PCDH15: variants seen among roughly 807,000 people sequenced by gnomAD.
PCDH15 encodes the protein protocadherin related 15, also known as protocadherin-15.
A neutral mutation model predicts 178.5 loss-of-function variants in PCDH15; 129 were observed. The observed-to-expected ratio is 0.72, with a 90% CI of 0.63 to 0.84. PCDH15 has a LOEUF of 0.84. Among genes scored for constraint, PCDH15 ranks in the 40% least tolerant of loss-of-function variants. The pLI, the probability that PCDH15 is intolerant of heterozygous loss-of-function variation, is 0.00. For synonymous variants in PCDH15, 800 were observed against 732.0 expected (o/e 1.09, Z -1.50); for missense variants, 2,230 against 2,099.9 (o/e 1.06, Z -1.21).
At chr10:54,361,094 G>A (rs1970518) in intron 5 of PCDH15, among the ~76,000 whole-genome samples, 17,475 of 152,020 alleles carry the variant, frequency 0.11, 1,798 homozygotes, top group African/African-American at 0.28. Context: ...GTTGTCCCTT[G>A]CCATAGCCAG....
At chr10:55,516,109 C>T (rs896068026) in intron 2 of PCDH15, among the ~76,000 whole-genome samples, 1 of 152,030 alleles carries the variant, frequency 6.6e-6, no homozygotes, top group Non-Finnish European at 1.5e-5. Context: ...TGTGTCCCCA[C>T]CCAACTCTCA....
chr10:54,615,430 G>A (rs999245585), intron 2 of PCDH15, among the ~76,000 whole-genome samples: 2 of 151,968 alleles, frequency 1.3e-5, no homozygotes, highest in South Asian at 2.1e-4. Flanking sequence ...TTAATCCAAC[G>A]GATGTGCATA....
At chr10:55,419,014 A>G (rs969003667) in intron 2 of PCDH15, among the ~76,000 whole-genome samples, 6 of 151,762 alleles carry the variant, frequency 4.0e-5, no homozygotes, top group African/African-American at 1.4e-4. Flanking sequence ...TAAAAGTGTG[A>G]CAAAATAGCA....
At chr10:54,265,115 C>T (rs539967305) in intron 8 of PCDH15, among the ~76,000 whole-genome samples, 1 of 152,148 alleles carries the variant, frequency 6.6e-6, no homozygotes, top group South Asian at 2.1e-4. Context: ...TTTTAGTACT[C>T]TAAAAGAAAA....
chr10:54,017,115 C>T (rs1432027047), intron 20 of PCDH15, among the ~76,000 whole-genome samples: 1 of 152,078 alleles, frequency 6.6e-6, no homozygotes, highest in African/African-American at 2.4e-5. Flanking sequence ...CATCCGTCTC[C>T]CGGGTTCAAG....
chr10:54,001,782 A>G (rs1472066459), intron 20 of PCDH15, among the ~76,000 whole-genome samples: 1 of 152,076 alleles, frequency 6.6e-6, no homozygotes, highest in Non-Finnish European at 1.5e-5. Context: ...AGAGTGGATG[A>G]ACGGATTAAA....
chr10:55,062,416 G>T (rs1315814893), intron 2 of PCDH15, among the ~76,000 whole-genome samples: 1 of 152,124 alleles, frequency 6.6e-6, no homozygotes, highest in Admixed American at 6.6e-5. Context: ...TTTTGTTATA[G>T]CCATCAGAAT....
At chr10:54,046,730 G>A (rs2093663558) in intron 18 of PCDH15, among the ~76,000 whole-genome samples, 1 of 152,066 alleles carries the variant, frequency 6.6e-6, no homozygotes, top group Non-Finnish European at 1.5e-5. Context: ...ACCTGATTTG[G>A]ACTTACATTT....
At chr10:54,055,899 G>T (rs1309180948) in intron 18 of PCDH15, among the ~76,000 whole-genome samples, 1 of 152,114 alleles carries the variant, frequency 6.6e-6, no homozygotes, top group African/African-American at 2.4e-5. Context: ...CAGAACATTA[G>T]TTGAGAAAAC....
At chr10:54,650,691 A>T (rs1250492339) in intron 2 of PCDH15, among the ~76,000 whole-genome samples, 1 of 152,102 alleles carries the variant, frequency 6.6e-6, no homozygotes, top group Non-Finnish European at 1.5e-5. Context: ...ATCGTGGTGG[A>T]AGAGCAAGTG....
chr10:55,147,451 T>TG, intron 2 of PCDH15, among the ~76,000 whole-genome samples: 1 of 134,974 alleles, frequency 7.4e-6, no homozygotes, highest in East Asian at 2.2e-4. Context: ...CTAATTTCAA[T>TG]TTTTAAAAAA....
chr10:54,568,760 T>G (rs899100290), intron 2 of PCDH15: 3 of 152,148 alleles, frequency 2.0e-5, no homozygotes, highest in Non-Finnish European at 4.4e-5. Context: ...TTATGCTACA[T>G]GTATATTATC....
intron 14 of PCDH15, among the ~76,000 whole-genome samples, chr10:54,151,859 T>G (rs900974133): frequency 2.6e-5 from 4 of 152,074 alleles, no homozygotes; most frequent in African/African-American, 9.7e-5. Flanking sequence ...GAGGGAACAT[T>G]TTGGAGGGAA....
Position 54,395,665 on chromosome 10 carries a change from A to AAC in PCDH15, c.158-16725_158-16724dup, listed in dbSNP as rs202008015. On this transcript the variant is annotated intron_variant, in intron 3 of 37. Coordinates refer to ENST00000644397, the MANE Select transcript of PCDH15 (RefSeq NM_001384140.1). ...ACACACACAAACATGCACACACACA[A>AAC]ACACACACACACACCTACACACACA... Among the ~76,000 whole-genome samples the AAC allele has an allele frequency of 4.0e-5, 6 of 149,678 alleles. No homozygotes were observed. The East Asian group carries it at 5.9e-4, about 15-fold the overall frequency.
intron 1 of PCDH15, among the ~76,000 whole-genome samples, chr10:55,286,226 A>T (rs1215065572): frequency 6.6e-6 from 1 of 151,910 alleles, no homozygotes; most frequent in Non-Finnish European, 1.5e-5. Context: ...TTCATAGAAA[A>T]TGACTGCATT....
intron 2 of PCDH15, among the ~76,000 whole-genome samples, chr10:55,082,760 G>C (rs1471375811): frequency 6.6e-6 from 1 of 151,820 alleles, no homozygotes; most frequent in African/African-American, 2.4e-5. Context: ...AAGATAATTA[G>C]AGACTACTAT....
At chr10:54,042,011 AG>A (rs904192869) in intron 18 of PCDH15, among the ~76,000 whole-genome samples, 18 of 145,564 alleles carry the variant, frequency 1.2e-4, no homozygotes, top group African/African-American at 3.2e-4. Context: ...TAATTAAGAT[AG>A]AAAAAAAATG....
At chr10:54,710,647 A>G (rs1222217777) in intron 1 of PCDH15, among the ~76,000 whole-genome samples, 1 of 152,060 alleles carries the variant, frequency 6.6e-6, no homozygotes, top group Non-Finnish European at 1.5e-5. Flanking sequence ...TAGAAGAGAC[A>G]GAACAGAAAT....
At chr10:55,312,531 G>A (rs1253974984) in intron 1 of PCDH15, among the ~76,000 whole-genome samples, 3 of 151,980 alleles carry the variant, frequency 2.0e-5, no homozygotes, top group East Asian at 1.9e-4. Context: ...AAGGCAAAAT[G>A]TGAGTTTCCC....
Sources: allele counts gnomAD v4.1 joint callset (sites outside exome capture counted in the v4.1 genomes callset), GRCh38; gene constraint gnomAD v4.1.1; transcripts MANE v1.5; gene names NCBI Gene and HGNC (gene_info 2026-07-23, HGNC 2026-07-21).